Variants in ZNF469 observed in about 807,000 individuals in gnomAD.
The protein encoded by ZNF469 is zinc finger protein 469.
A neutral mutation model predicts 1.0 loss-of-function variants in ZNF469; 1 was observed. The ratio of observed to expected loss-of-function variants is 1.00; its 90% confidence interval spans 0.35 to 4.73. The LOEUF (loss-of-function observed/expected upper bound fraction) is 4.73, where lower values mean the gene tolerates loss of function less well. Ranked by LOEUF, ZNF469 falls within the 30% of genes most tolerant of loss-of-function variation. ZNF469 has a pLI of 0.16. For missense variants in ZNF469, 6,100 were observed against 5,356.3 expected (o/e 1.14, Z -4.33); for synonymous variants, 2,703 against 2,363.4 (o/e 1.14, Z -4.17).
chr16:88,399,677 G>T (rs765441652), intron 1 of ZNF469, among the ~76,000 whole-genome samples: 5 of 152,380 alleles, frequency 3.3e-5, no homozygotes, highest in Middle Eastern at 3.4e-3. Flanking sequence ...CTGTGGCCAG[G>T]TATGAGCTGA....
At chr16:88,147,954 C>T in the ZNF469 span, among the ~76,000 whole-genome samples, 3 of 151,964 alleles carry the variant, frequency 2.0e-5, no homozygotes, top group East Asian at 5.8e-4. Context: ...TGTACACCAG[C>T]GGTCACCTGT....
the ZNF469 span, among the ~76,000 whole-genome samples, chr16:88,261,144 G>T: frequency 6.6e-6 from 1 of 152,210 alleles, no homozygotes; most frequent in Non-Finnish European, 1.5e-5. The surrounding 1 kb of genome is among the most constrained non-coding windows in gnomAD (Gnocchi z 6.0). Flanking sequence ...GCGATCTCAC[G>T]CATGGTGGGC....
the ZNF469 span, among the ~76,000 whole-genome samples, chr16:88,166,105 T>A: frequency 1.5e-4 from 23 of 152,268 alleles, no homozygotes; most frequent in Non-Finnish European, 2.5e-4. This position sits in a 1 kb window ranked among gnomAD's most constrained non-coding sequence, Gnocchi z 4.5. Flanking sequence ...GTGAGATTCA[T>A]GACAGACAGG....
the ZNF469 span, among the ~76,000 whole-genome samples, chr16:88,332,268 G>A: frequency 1.3e-5 from 2 of 152,232 alleles, no homozygotes; most frequent in African/African-American, 2.4e-5. Flanking sequence ...GGTATTAAGC[G>A]GGTCGGGTTT....
At chr16:88,363,108 A>G in the ZNF469 span, among the ~76,000 whole-genome samples, 13 of 152,038 alleles carry the variant, frequency 8.6e-5, no homozygotes, top group Middle Eastern at 3.4e-3. Flanking sequence ...TTTATTTGTG[A>G]CAAGCATAAT....
At chr16:88,148,182 G>A in the ZNF469 span, among the ~76,000 whole-genome samples, 1 of 152,142 alleles carries the variant, frequency 6.6e-6, no homozygotes, top group Non-Finnish European at 1.5e-5. Context: ...TTCCTCCCAC[G>A]CATCAATGTG....
the ZNF469 span, among the ~76,000 whole-genome samples, chr16:88,342,156 C>T: frequency 1.3e-5 from 2 of 152,106 alleles, no homozygotes; most frequent in African/African-American, 2.4e-5. Context: ...GGTCTCCAGC[C>T]CTTCGCCCCC....
chr16:88,365,872 C>A, the ZNF469 span, among the ~76,000 whole-genome samples: 2 of 152,306 alleles, frequency 1.3e-5, no homozygotes, highest in East Asian at 1.9e-4. Flanking sequence ...GACTGCCAAA[C>A]CCTTCCCAGA....
At chr16:88,392,668 A>G (rs1904524266) in intron 1 of ZNF469, among the ~76,000 whole-genome samples, 1 of 152,090 alleles carries the variant, frequency 6.6e-6, no homozygotes, top group Non-Finnish European at 1.5e-5. Flanking sequence ...CCTAGATGCT[A>G]TGTTTCAGGC....
At chr16:88,270,609 A>G in the ZNF469 span, among the ~76,000 whole-genome samples, 2 of 152,234 alleles carry the variant, frequency 1.3e-5, no homozygotes, top group Non-Finnish European at 2.9e-5. Context: ...GGCTTTTACC[A>G]TACTCGATGC....
intron 2 of ZNF469, among the ~76,000 whole-genome samples, chr16:88,426,392 C>A (rs1024499761): frequency 6.6e-6 from 1 of 152,390 alleles, no homozygotes; most frequent in East Asian, 1.9e-4. Flanking sequence ...CCACACGGAG[C>A]GGCCTGCGCA....
the ZNF469 span, among the ~76,000 whole-genome samples, chr16:88,316,704 G>A: frequency 3.3e-5 from 5 of 151,688 alleles, no homozygotes; most frequent in East Asian, 1.9e-4. Flanking sequence ...CCGCCACCAC[G>A]CCCAGCTAAT....
At chr16:88,294,921 A>G in the ZNF469 span, 2 of 161,958 alleles carry the variant, frequency 1.2e-5, no homozygotes, top group Non-Finnish European at 2.7e-5. Context: ...CCATGGCACA[A>G]TGACTAGCAA....
chr16:88,117,120 G>A, the ZNF469 span, among the ~76,000 whole-genome samples: 2 of 152,084 alleles, frequency 1.3e-5, no homozygotes, highest in Non-Finnish European at 2.9e-5. Context: ...TGAGAGTCAG[G>A]GATGCGTGAG....
chr16:88,111,849 C>G, the ZNF469 span, among the ~76,000 whole-genome samples: 1 of 152,182 alleles, frequency 6.6e-6, no homozygotes, highest in Non-Finnish European at 1.5e-5. Context: ...GTTGGCCAGG[C>G]TGGTCTCGAT....
chr16:88,370,150 G>T, the ZNF469 span, among the ~76,000 whole-genome samples: 2 of 152,158 alleles, frequency 1.3e-5, no homozygotes, highest in African/African-American at 4.8e-5. Flanking sequence ...TCTTTTTGTT[G>T]CCTTTTAACA....
At chr16:88,242,561 G>A in the ZNF469 span, among the ~76,000 whole-genome samples, 21 of 152,188 alleles carry the variant, frequency 1.4e-4, no homozygotes, top group East Asian at 1.2e-3. Context: ...CTCCAAATAC[G>A]GTCACATTCT....
the ZNF469 span, chr16:88,194,689 G>C: frequency 1.3e-5 from 2 of 152,238 alleles, no homozygotes; most frequent in Non-Finnish European, 2.9e-5. Flanking sequence ...TTTATTTTCC[G>C]ATCCACTGGT....
chr16:88,403,899 G>A (rs534040342), intron 1 of ZNF469, among the ~76,000 whole-genome samples: 1 of 152,208 alleles, frequency 6.6e-6, no homozygotes, highest in South Asian at 2.1e-4. Context: ...GGGGTTCCTG[G>A]TGGGCAAGGA....
Sources: allele counts gnomAD v4.1 joint callset (sites outside exome capture counted in the v4.1 genomes callset), GRCh38; gene constraint gnomAD v4.1.1; non-coding constraint Gnocchi (gnomAD v3.1); transcripts MANE v1.5; gene names NCBI Gene and HGNC (gene_info 2026-07-23, HGNC 2026-07-21).